The following ACOT1 variants were observed in gnomAD, a reference collection of about 807,000 sequenced individuals.
The protein encoded by ACOT1 is acyl-coenzyme A thioesterase 1.
Under a neutral mutation model 15.7 loss-of-function variants are expected in ACOT1, and 8 were observed. The ratio of observed to expected loss-of-function variants is 0.51; its 90% CI spans 0.30 to 0.92. The LOEUF is 0.92. ACOT1 is among the 40% of genes least tolerant of loss of function. The probability of loss-of-function intolerance (pLI) is 0.06; values close to 1 mark genes in which losing one functional copy is unlikely to be tolerated. For synonymous variants in ACOT1, 67 were observed against 241.2 expected, an observed-to-expected ratio of 0.28 and a Z score of 6.69; for missense variants, 151 against 539.4, an observed-to-expected ratio of 0.28 and a Z score of 7.13.
the ACOT1 span, among the ~76,000 whole-genome samples, chr14:73,513,446 G>A: frequency 5.5e-5 from 8 of 145,260 alleles, no homozygotes; most frequent in South Asian, 2.1e-4. Context: ...GGGCAACAGA[G>A]TGAAATTCCA....
chr14:73,496,709 T>C, the ACOT1 span: 5 of 1,208,596 alleles, frequency 4.1e-6, 1 homozygote, highest in Admixed American at 8.5e-5. Flanking sequence ...TCTTAGATTA[T>C]TCTACCCTGC....
chr14:73,512,210 C>CA, the ACOT1 span: 1 of 1,582,712 alleles, frequency 6.3e-7, no homozygotes, highest in Non-Finnish European at 8.6e-7. Flanking sequence ...TATTGTGCTG[C>CA]AGGCAGGTGA....
rs375758117 is a variant in ACOT1 at position 73,537,935 on chromosome 14, C to CTG, written c.457+73_457+74dup. 5,687 of 1,090,654 alleles carry CTG rather than the reference C, an allele frequency of 5.2e-3. 761 individuals carry two copies. In the African/African-American group the frequency reaches 0.076, roughly 15 times the overall value. 67.6% of individuals were successfully genotyped at this position (1,090,654 alleles called of 1,614,324 possible). Reference sequence around the variant, plus strand: ...CCCATCCCTGTTCCTGCGCTTTCCACTGTGTGTGTGTGTGTGTCCCCTTCG... The same window carrying CTG: ...CCCATCCCTGTTCCTGCGCTTTCCACTGTGTGTGTGTGTGTGTGTCCCCTTCG... On this transcript the variant is annotated intron_variant, in intron 1 of 2. Coordinates refer to ENST00000311148, the MANE Select transcript of ACOT1 (RefSeq NM_001037161.2).
At chr14:73,529,507 G>T in the ACOT1 span, among the ~76,000 whole-genome samples, 1 of 152,182 alleles carries the variant, frequency 6.6e-6, no homozygotes, top group East Asian at 1.9e-4. Flanking sequence ...CATGCCTCTA[G>T]TTAAAACCTG....
chr14:73,542,138 A>G lies in ACOT1; in HGVS notation c.660+443A>G, dbSNP rs1232968678. On this transcript the variant is annotated intron_variant, in intron 2 of 2. Coordinates refer to ENST00000311148, the MANE Select transcript of ACOT1 (RefSeq NM_001037161.2). ...CCCCAGGTGCTGGATTACAGGCATG[A>G]GCCACTATGCCTAGCCTAATTTTTG... 1.9e-5 allele frequency among the ~76,000 whole-genome samples: 2 copies of G among 106,000 alleles called. 1 individual carries two copies. The highest frequency in any genetic ancestry group is 4.0e-5 in the Non-Finnish European group (2 of 49,610). 69.5% of individuals were successfully genotyped at this position (106,000 alleles called of 152,430 possible).
At chr14:73,529,596 C>T in the ACOT1 span, among the ~76,000 whole-genome samples, 1 of 152,110 alleles carries the variant, frequency 6.6e-6, no homozygotes, top group East Asian at 1.9e-4. Context: ...TTTATGAATA[C>T]AGAACTCAAC....
At chr14:73,524,311 AT>A in the ACOT1 span, among the ~76,000 whole-genome samples, 4,024 of 52,122 alleles carry the variant, frequency 0.077, 69 homozygotes, top group African/African-American at 0.11. Context: ...AAAAAAAAAA[AT>A]ATATATATAT....
the ACOT1 span, chr14:73,506,554 C>G: frequency 1.2e-6 from 2 of 1,613,362 alleles, no homozygotes; most frequent in South Asian, 2.2e-5. Context: ...CCACAGCAAG[C>G]ATGGTGTGTA....
the ACOT1 span, chr14:73,492,751 T>G: frequency 6.2e-7 from 1 of 1,613,968 alleles, no homozygotes; most frequent in East Asian, 2.2e-5. This position sits in a 1 kb window ranked among gnomAD's most constrained non-coding sequence, Gnocchi z 4.9. Flanking sequence ...GTGTGTATCA[T>G]CTGGAAGAAC....
At chr14:73,524,434 CTG>C in the ACOT1 span, among the ~76,000 whole-genome samples, 1 of 149,648 alleles carries the variant, frequency 6.7e-6, no homozygotes, top group South Asian at 2.1e-4. Flanking sequence ...ATGGCAAACA[CTG>C]TAGATAACAA....
rs1889161405 is a variant in ACOT1, at chr14:73,543,262, CAT to C, written c.874_875del (p.Ile292CysfsTer12). On this transcript the variant is annotated frameshift_variant, in exon 3 of 3. Coordinates refer to ENST00000311148, the MANE Select transcript of ACOT1 (RefSeq NM_001037161.2). LOFTEE classifies it low-confidence loss of function (END_TRUNC). The stretch of plus-strand genomic sequence containing the variant: ...AGGTGACCAAAGATGGCTATGCAGA[CAT>C]TGTGGATGTCCTGAACAGCCCTTTG... Reference protein sequence around the residue: ...IKVTKDGYADIVDVLNSPLEG... With the variant: ...IKVTKDGYADXVDVLNSPLEG... 6.3e-7 allele frequency: 1 copy of C among 1,591,666 alleles called. No homozygotes were observed.
chr14:73,492,727 A>G, the ACOT1 span: 5 of 1,613,980 alleles, frequency 3.1e-6, no homozygotes, highest in Non-Finnish European at 4.2e-6. This position sits in a 1 kb window ranked among gnomAD's most constrained non-coding sequence, Gnocchi z 4.9. Context: ...TCTATTACAC[A>G]GTGGAAAACT....
At chr14:73,499,261 A>G in the ACOT1 span, 2 of 809,120 alleles carry the variant, frequency 2.5e-6, no homozygotes, top group East Asian at 5.0e-5. Flanking sequence ...TGGGCGGATC[A>G]CTTGACATCA....
At chr14:73,493,100 G>C in the ACOT1 span, 1 of 1,611,786 alleles carries the variant, frequency 6.2e-7, no homozygotes, top group Non-Finnish European at 8.5e-7. Context: ...AACCTCGGAA[G>C]GTCTTCTAGG....
the ACOT1 span, chr14:73,520,874 G>A: frequency 1.2e-6 from 2 of 1,614,056 alleles, no homozygotes; most frequent in East Asian, 2.2e-5. Context: ...CCTGTTCAAA[G>A]GTGTTGTCTG....
At chr14:73,503,181 T>C in the ACOT1 span, among the ~76,000 whole-genome samples, 3 of 152,182 alleles carry the variant, frequency 2.0e-5, no homozygotes, top group East Asian at 3.8e-4. Context: ...GGGGCAGATA[T>C]TACTACCATT....
At chr14:73,493,694 C>G in the ACOT1 span, among the ~76,000 whole-genome samples, 1 of 152,086 alleles carries the variant, frequency 6.6e-6, no homozygotes, top group Non-Finnish European at 1.5e-5. Context: ...AAAAATTAGC[C>G]AGGCATAGTG....
chr14:73,539,930 C>A (rs557526730), intron 1 of ACOT1: 1 of 116,226 alleles, frequency 8.6e-6, no homozygotes, highest in Non-Finnish European at 1.9e-5. Flanking sequence ...AGGAAAGCCT[C>A]TTCCTGTCAA....
In ACOT1 at chr14:73,543,366, AC is replaced by A; in HGVS notation, c.979del (p.His327ThrfsTer107). On this transcript the variant is annotated frameshift_variant, in exon 3 of 3. Transcript: ENST00000311148. LOFTEE classifies it low-confidence loss of function (END_TRUNC). ...STFLFLVGQDDHNWKSEFYAN... is the reference protein window; with the variant it reads ...STFLFLVGQDXHNWKSEFYAN... ...TTCCTGTTCCTGGTAGGTCAGGATG[AC>A]CACAACTGGAAGAGTGAGTTCTATG... 7.0e-7 allele frequency: 1 copy of A among 1,432,480 alleles called. No individual in the cohort carries two copies. The highest frequency in any genetic ancestry group is 9.6e-7 in the Non-Finnish European group (1 of 1,036,592). The allele number at this position is 1,432,480 out of a possible 1,614,324, so 88.7% of individuals were successfully genotyped here.
Sources: gnomAD v4.1 joint callset for allele counts (sites outside exome capture counted in the v4.1 genomes callset) on GRCh38, gnomAD v4.1.1 for gene constraint, Gnocchi (gnomAD v3.1) non-coding constraint, MANE v1.5 for transcripts, NCBI Gene and HGNC (gene_info 2026-07-23, HGNC 2026-07-21) for gene names.